The following TRPC1 variants were observed in gnomAD, a reference collection of about 807,000 sequenced individuals.
TRPC1 encodes the protein short transient receptor potential channel 1.
In TRPC1, 42 loss-of-function variants were observed where a neutral mutation model predicts 88.2. The observed-to-expected ratio is 0.48, with a 90% CI of 0.37 to 0.62. The LOEUF is 0.62. Ranked by LOEUF, TRPC1 falls within the 20% of genes least tolerant of loss-of-function variation. The probability of loss-of-function intolerance (pLI) is 0.00; values close to 1 mark genes in which losing one functional copy is unlikely to be tolerated. For synonymous variants in TRPC1, 288 were observed against 331.8 expected (o/e 0.87, Z 1.43); for missense variants, 699 against 957.3 (o/e 0.73, Z 3.56).
intron 9 of TRPC1, chr3:142,794,012 A>G: frequency 3.6e-6 from 2 of 562,732 alleles, no homozygotes; most frequent in Non-Finnish European, 2.3e-6. Flanking sequence ...TTGACAGTGC[A>G]TGTTATCACA....
intron 4 of TRPC1, among the ~76,000 whole-genome samples, chr3:142,758,777 GTTAAC>G (rs1335993972): frequency 6.6e-6 from 1 of 151,586 alleles, no homozygotes; most frequent in Non-Finnish European, 1.5e-5. Context: ...TGCTGCACCG[GTTAAC>G]TTGTCATTTA....
At chr3:142,738,271 A>G (rs1024002858) in intron 2 of TRPC1, among the ~76,000 whole-genome samples, 5 of 152,220 alleles carry the variant, frequency 3.3e-5, no homozygotes, top group Non-Finnish European at 5.9e-5. Context: ...TGTTCTGTCC[A>G]GGTTACCTGT....
chr3:142,770,934 G>C (rs1027202413), intron 4 of TRPC1, among the ~76,000 whole-genome samples: 41 of 152,210 alleles, frequency 2.7e-4, no homozygotes, highest in African/African-American at 9.9e-4. Flanking sequence ...ATCTGCTTCT[G>C]TTAAGGACCT....
chr3:142,730,977 T>C (rs1293181233), intron 1 of TRPC1, among the ~76,000 whole-genome samples: 1 of 152,200 alleles, frequency 6.6e-6, no homozygotes, highest in African/African-American at 2.4e-5. Context: ...TCAAACGAGA[T>C]GCTAATGAGG....
At chr3:142,804,361 A>G in intron 11 of TRPC1, 75 bp from the exon 12 acceptor site, 1 of 1,350,532 alleles carries the variant, frequency 7.4e-7, no homozygotes, top group South Asian at 1.7e-5. Context: ...ATTTTTCTGC[A>G]AGGTGTGGAA....
intron 3 of TRPC1, among the ~76,000 whole-genome samples, chr3:142,744,043 C>G (rs544025381): frequency 2.6e-5 from 4 of 152,154 alleles, no homozygotes; most frequent in African/African-American, 7.2e-5. Flanking sequence ...ATCCAGACAT[C>G]AGACAAAATT....
chr3:142,757,650 G>A (rs1935024836), intron 4 of TRPC1, among the ~76,000 whole-genome samples: 1 of 151,788 alleles, frequency 6.6e-6, no homozygotes, highest in Non-Finnish European at 1.5e-5. Context: ...CTTGGGGGAT[G>A]GGGGGCAAGG....
intron 4 of TRPC1, among the ~76,000 whole-genome samples, chr3:142,758,096 C>G (rs2108067350): frequency 6.6e-6 from 1 of 152,210 alleles, no homozygotes; most frequent in East Asian, 1.9e-4. Context: ...TAACCATCCC[C>G]ACCTTCTCCT....
intron 9 of TRPC1, among the ~76,000 whole-genome samples, chr3:142,794,345 A>C (rs887079839): frequency 6.6e-6 from 1 of 152,142 alleles, no homozygotes; most frequent in Non-Finnish European, 1.5e-5. Context: ...AAAAAGGAGA[A>C]AGTATAATAT....
At chr3:142,733,078 A>G (rs1933992299) in intron 1 of TRPC1, among the ~76,000 whole-genome samples, 1 of 151,780 alleles carries the variant, frequency 6.6e-6, no homozygotes, top group African/African-American at 2.4e-5. Flanking sequence ...CTATAATGTG[A>G]TTTTTCATTT....
At chr3:142,779,861 ATTTTTTTT>A (rs1008974297) in intron 5 of TRPC1, among the ~76,000 whole-genome samples, 27 of 125,420 alleles carry the variant, frequency 2.2e-4, no homozygotes, top group Non-Finnish European at 3.6e-4. Context: ...AATGTAATTG[ATTTTTTTT>A]TTTTTTTTTT....
intron 5 of TRPC1, among the ~76,000 whole-genome samples, chr3:142,778,985 A>T (rs1935872428): frequency 6.6e-6 from 1 of 152,202 alleles, no homozygotes; most frequent in African/African-American, 2.4e-5. Context: ...GCTACTTTTA[A>T]CTTTATTAGC....
intron 4 of TRPC1, among the ~76,000 whole-genome samples, chr3:142,770,384 G>A (rs1003076583): frequency 3.9e-5 from 6 of 152,052 alleles, no homozygotes; most frequent in Non-Finnish European, 5.9e-5. Context: ...GGCGTGAGCC[G>A]CTGTGCCCAG....
chr3:142,751,861 G>A (rs1385369108), intron 4 of TRPC1, among the ~76,000 whole-genome samples: 1 of 152,140 alleles, frequency 6.6e-6, no homozygotes, highest in Non-Finnish European at 1.5e-5. Context: ...GGTTTACCTG[G>A]AAATTTTTTC....
chr3:142,739,289 T>C (rs2108026925), intron 2 of TRPC1, among the ~76,000 whole-genome samples: 1 of 152,230 alleles, frequency 6.6e-6, no homozygotes, highest in African/African-American at 2.4e-5. Flanking sequence ...ATTATTATTG[T>C]CCCCATTTTA....
chr3:142,782,065 C>A (rs1935973335), intron 6 of TRPC1, among the ~76,000 whole-genome samples: 1 of 151,488 alleles, frequency 6.6e-6, no homozygotes, highest in African/African-American at 2.4e-5. Context: ...GACATGAAGT[C>A]CTAGAAAATG....
At chr3:142,805,503 A>G (rs1032989783) in intron 12 of TRPC1, among the ~76,000 whole-genome samples, 2 of 152,186 alleles carry the variant, frequency 1.3e-5, no homozygotes, top group African/African-American at 2.4e-5. Context: ...TAAGAGAGAA[A>G]ACAAATTTTC....
At position 142,776,312 on chromosome 3, in the gene TRPC1, T is replaced by C. The variant is rs145416442; in HGVS notation, c.633-1320T>C. ...GATGAGGGAGTATCATGTTTCCAAA[T>C]TGCTTACCTTATGTTTTATAATAAG... is the stretch of plus-strand genomic sequence containing the variant. On this transcript the variant is annotated intron_variant, in intron 4 of 12. Coordinates refer to ENST00000476941, the MANE Select transcript of TRPC1 (RefSeq NM_001251845.2). This position sits in a 1 kb window ranked among gnomAD's most constrained non-coding sequence, Gnocchi z 4.1. Among the ~76,000 whole-genome samples, 1 of 152,242 alleles carries C rather than the reference T, an allele frequency of 6.6e-6. No individual in the cohort carries two copies. The highest frequency in any genetic ancestry group is 1.9e-4 in the East Asian group (1 of 5,182).
At chr3:142,775,272 T>G (rs1258772560) in intron 4 of TRPC1, among the ~76,000 whole-genome samples, 1 of 152,198 alleles carries the variant, frequency 6.6e-6, no homozygotes, top group African/African-American at 2.4e-5. Flanking sequence ...CTTGTTTAAA[T>G]GAAGATTTGG....
Sources: allele counts gnomAD v4.1 joint callset (sites outside exome capture counted in the v4.1 genomes callset), GRCh38; gene constraint gnomAD v4.1.1; non-coding constraint Gnocchi (gnomAD v3.1); transcripts MANE v1.5; gene names NCBI Gene and HGNC (gene_info 2026-07-23, HGNC 2026-07-21).